Variants in ARL6 observed in about 807,000 individuals in gnomAD.
ARL6 encodes ADP-ribosylation factor-like protein 6.
A neutral mutation model predicts 27.1 loss-of-function variants in ARL6; 18 were observed. That is an observed-to-expected ratio of 0.66 (90% CI 0.46 to 0.98). The LOEUF is 0.98. Ranked by LOEUF, ARL6 falls within the 50% of genes least tolerant of loss-of-function variation. ARL6 has a pLI of 0.00. For missense variants in ARL6, 187 were observed against 214.9 expected (o/e 0.87, Z 0.81); for synonymous variants, 65 against 72.3 (o/e 0.90, Z 0.51).
Position 97,798,082 on chromosome 3 carries a change from A to T in ARL6, c.*33A>T. 3 of 1,597,520 alleles carry T rather than the reference A, an allele frequency of 1.9e-6. No individual in the cohort carries two copies. Among genetic ancestry groups the T allele is most frequent in the African/African-American group, 1.3e-5 (1 of 74,740 alleles). ...ATAGTTGGAAACCTCAGCAATTTTC[A>T]ATTCAAGGAATCTATCTAAGACAAA... On this transcript the variant is annotated 3_prime_UTR_variant, in exon 8 of 8. Transcript: ENST00000463745.
At chr3:97,793,059 A>G (rs1056323220) in intron 7 of ARL6, among the ~76,000 whole-genome samples, 6 of 152,270 alleles carry the variant, frequency 3.9e-5, no homozygotes, top group East Asian at 1.9e-4. Flanking sequence ...CTCATACATC[A>G]TAGTATTTCT....
In ARL6 at chr3:97,798,419, G is replaced by A. The variant is rs1441736092; in HGVS notation, c.*370G>A. ...AAAAAATTTAGTTTATGACTTTGCA[G>A]TATGAATTGTGCTTGTGAAAAAGAA... On this transcript the variant is annotated 3_prime_UTR_variant, in exon 8 of 8. Coordinates refer to ENST00000463745, the MANE Select transcript of ARL6 (RefSeq NM_001278293.3). The A allele has an allele frequency of 6.3e-6, 1 of 158,626 alleles. No individual in the cohort carries two copies. Among genetic ancestry groups the A allele is most frequent in the Non-Finnish European group, 1.4e-5 (1 of 72,186 alleles). The allele number at this position is 158,626 out of a possible 1,614,324, so 9.8% of individuals were successfully genotyped here. A position where few individuals can be genotyped will look rare whatever the true frequency, so the allele number is the denominator to read the frequency against.
chr3:97,787,199 A>G (rs2037500205), intron 5 of ARL6, among the ~76,000 whole-genome samples: 1 of 152,212 alleles, frequency 6.6e-6, no homozygotes, highest in Non-Finnish European at 1.5e-5. Context: ...TACTAAAAGA[A>G]GAAATATTCC....
intron 6 of ARL6, among the ~76,000 whole-genome samples, chr3:97,789,173 C>A (rs1278039905): frequency 6.6e-6 from 1 of 152,172 alleles, no homozygotes; most frequent in Non-Finnish European, 1.5e-5. Context: ...AGGAGCTAAA[C>A]CCTGCATATC....
At chr3:97,785,282 T>C (rs2037397443) in intron 5 of ARL6, among the ~76,000 whole-genome samples, 1 of 150,330 alleles carries the variant, frequency 6.7e-6, no homozygotes, top group Admixed American at 6.6e-5. Flanking sequence ...CTAACATTTA[T>C]TTCCTCAAAA....
At chr3:97,769,334 A>C (rs143349562) in intron 2 of ARL6, among the ~76,000 whole-genome samples, 6 of 152,044 alleles carry the variant, frequency 3.9e-5, no homozygotes, top group Admixed American at 1.3e-4. Flanking sequence ...TTTTTTAGAG[A>C]TAGACTCTAT....
At position 97,791,810 on chromosome 3, in the gene ARL6, T is replaced by C. The variant is rs200888923; in HGVS notation, c.519T>C (p.Gly173=). The change falls in exon 7 of 8, where the codon GGT becomes GGC. Residue 173 remains glycine (G), a synonymous_variant. Transcript: ENST00000463745. ...DAIKGEGLQE[G]VDWLQDQIQT... is the part of the protein sequence containing the mutation. The stretch of plus-strand genomic sequence containing the variant: ...TAAAAGGAGAAGGCTTGCAAGAAGG[T>C]GTAGACTGGCTTCAAGGTACATTAC... The C allele has an allele frequency of 9.3e-6, 15 of 1,613,592 alleles. No individual in the cohort carries two copies. Among genetic ancestry groups the C allele is most frequent in the Non-Finnish European group, 1.3e-5 (15 of 1,179,778 alleles).
intron 5 of ARL6, among the ~76,000 whole-genome samples, chr3:97,786,317 G>A (rs1384102853): frequency 4.0e-5 from 6 of 151,770 alleles, no homozygotes; most frequent in African/African-American, 7.3e-5. Context: ...TGAGGGCAAC[G>A]GAGGAGACTC....
intron 7 of ARL6, among the ~76,000 whole-genome samples, chr3:97,796,475 G>A (rs2038009486): frequency 6.6e-6 from 1 of 151,984 alleles, no homozygotes; most frequent in South Asian, 2.1e-4. Context: ...GAAAAGAAAG[G>A]GGTCATGTTC....
rs143727279 is a variant in ARL6, at chr3:97,770,706, A to G, written c.123+2476A>G. Among the ~76,000 whole-genome samples the G allele has an allele frequency of 1.3e-3, 193 of 152,208 alleles. 3 individuals carry two copies. Among genetic ancestry groups the G allele is most frequent in the African/African-American group, 4.3e-3 (178 of 41,558 alleles). On this transcript the variant is annotated intron_variant, in intron 2 of 7. Transcript: ENST00000463745. ...ATCCATTTTTAGTTGACTTTTGTAT[A>G]TGGTGGGAGATAGGGGTCTAGTTTC...
intron 2 of ARL6, among the ~76,000 whole-genome samples, chr3:97,770,607 C>G (rs1385234167): frequency 6.6e-6 from 1 of 152,040 alleles, no homozygotes; most frequent in East Asian, 1.9e-4. Context: ...CTGCCCAAAT[C>G]AGTGTCCTGA....
At chr3:97,791,717 T>G (rs1209615131) in intron 6 of ARL6, 54 bp from the exon 7 acceptor site, 5 of 1,523,996 alleles carry the variant, frequency 3.3e-6, no homozygotes, top group Non-Finnish European at 4.6e-6. Flanking sequence ...TCCTTTATTC[T>G]TATAGTTTTG....
rs1237295464 is a variant in ARL6, at chr3:97,791,764, AT to A, written c.480-4del. ...GATGGCTATGTTTCTTATGGATTTC[AT>A]TTCAGTGCTAGTGATGCCATAAAAG... On this transcript the variant is annotated splice_region_variant and splice_polypyrimidine_tract_variant and intron_variant, in intron 6 of 7. Transcript: ENST00000463745. 6.2e-7 allele frequency: 1 copy of A among 1,613,368 alleles called. No individual in the cohort carries two copies. The highest frequency in any genetic ancestry group is 2.2e-5 in the East Asian group (1 of 44,752).
At position 97,780,661 on chromosome 3, in the gene ARL6, A is replaced by C. The variant is rs1335196581; in HGVS notation, c.232A>C (p.Asn78His). 1 of 1,612,860 alleles carries C rather than the reference A, an allele frequency of 6.2e-7. No homozygotes were observed. Among genetic ancestry groups the C allele is most frequent in the Admixed American group, 1.7e-5 (1 of 60,016 alleles). The change falls in exon 4 of 8, where the codon AAT becomes CAT. Residue 78 changes from asparagine (N) to histidine (H), a missense_variant. By Grantham distance (68) the Asn-to-His change is moderately conservative. Coordinates refer to ENST00000463745, the MANE Select transcript of ARL6 (RefSeq NM_001278293.3). ...FDMSGQGRYR[N>H]LWEHYYKEGQ... ...CATGTCAGGTCAAGGAAGATACAGAAATCTCTGGGAACACTATTATAAGTA... is the reference window on the plus strand; with the variant it reads ...CATGTCAGGTCAAGGAAGATACAGACATCTCTGGGAACACTATTATAAGTA...
chr3:97,791,886 CT>C lies in ARL6; in HGVS notation c.535+67del, dbSNP rs1162789105. On this transcript the variant is annotated intron_variant, in intron 7 of 7. Coordinates refer to ENST00000463745, the MANE Select transcript of ARL6 (RefSeq NM_001278293.3). ...GTTTCCTTTTTATTCATATTTTTAT[CT>C]TTTTTTACATTTTATTTTATTATAT... 4.3e-5 allele frequency: 62 copies of C among 1,438,908 alleles called. No homozygotes were observed. In the East Asian group the frequency reaches 1.3e-3, roughly 31 times the overall value. The allele number at this position is 1,438,908 out of a possible 1,614,324, so 89.1% of individuals were successfully genotyped here. A position where few individuals can be genotyped will look rare whatever the true frequency, so the allele number is the denominator to read the frequency against.
chr3:97,765,225 T>G (rs2036321561), intron 1 of ARL6, among the ~76,000 whole-genome samples: 1 of 128,714 alleles, frequency 7.8e-6, no homozygotes, highest in African/African-American at 2.5e-5. Flanking sequence ...TGTGTGTGTG[T>G]GTGTGTGTGT....
chr3:97,798,205 T>G lies in ARL6; in HGVS notation c.*156T>G, dbSNP rs2038093779. On this transcript the variant is annotated 3_prime_UTR_variant, in exon 8 of 8. Coordinates refer to ENST00000463745, the MANE Select transcript of ARL6 (RefSeq NM_001278293.3). Reference sequence around the variant, plus strand: ...CTTTTTAAGAACATAGGACTTCAGGTATGCTAATTTGGCCATTAATTATTT... The same window carrying G: ...CTTTTTAAGAACATAGGACTTCAGGGATGCTAATTTGGCCATTAATTATTT... The G allele has an allele frequency of 8.4e-6, 6 of 715,394 alleles. No homozygotes were observed. Among genetic ancestry groups the G allele is most frequent in the African/African-American group, 1.8e-5 (1 of 56,106 alleles). 44.3% of individuals were successfully genotyped at this position (715,394 alleles called of 1,614,324 possible).
Position 97,801,214 on chromosome 3 carries a change from C to G in ARL6, c.*3165C>G, listed in dbSNP as rs750247534. The G allele has an allele frequency of 6.6e-6, 1 of 152,098 alleles. No homozygotes were observed. The highest frequency in any genetic ancestry group is 1.5e-5 in the Non-Finnish European group (1 of 68,020). The allele number at this position is 152,098 out of a possible 1,614,324, so 9.4% of individuals were successfully genotyped here. On this transcript the variant is annotated 3_prime_UTR_variant, in exon 8 of 8. Coordinates refer to ENST00000463745, the MANE Select transcript of ARL6 (RefSeq NM_001278293.3). ...AAATAAATAGGTTTGTGTACGTCTG[C>G]GACTAGAGAGAAATACTACAGTGAT... is the stretch of plus-strand genomic sequence containing the variant.
At chr3:97,796,728 C>A (rs536147054) in intron 7 of ARL6, among the ~76,000 whole-genome samples, 51 of 151,846 alleles carry the variant, frequency 3.4e-4, no homozygotes, top group Non-Finnish European at 5.9e-4. Context: ...TTAAAGCTTC[C>A]TGAGGAAAAA....
Sources: gnomAD v4.1 joint callset for allele counts (sites outside exome capture counted in the v4.1 genomes callset) on GRCh38, gnomAD v4.1.1 for gene constraint, MANE v1.5 for transcripts, NCBI Gene and HGNC (gene_info 2026-07-23, HGNC 2026-07-21) for gene names.